Variants in NYAP2 observed in about 807,000 individuals in gnomAD.
The protein encoded by NYAP2 is neuronal tyrosine-phosphorylated phosphoinositide-3-kinase adaptor 2, also known as neuronal tyrosine-phosphorylated phosphoinositide-3-kinase adapter 2.
Under a neutral mutation model 50.4 loss-of-function variants are expected in NYAP2, and 23 were observed. The ratio of observed to expected loss-of-function variants is 0.46; its 90% CI spans 0.33 to 0.65. The LOEUF (loss-of-function observed/expected upper bound fraction) is 0.65. Ranked by LOEUF, NYAP2 falls within the 30% of genes least tolerant of loss-of-function variation. NYAP2 has a pLI of 0.02. For synonymous variants in NYAP2, 394 were observed against 365.2 expected (o/e 1.08, Z -0.90); for missense variants, 885 against 861.0 (o/e 1.03, Z -0.35).
chr2:225,682,835 T>C, the NYAP2 span, among the ~76,000 whole-genome samples: 1 of 152,078 alleles, frequency 6.6e-6, no homozygotes, highest in South Asian at 2.1e-4. Context: ...GAGAGAATTG[T>C]AGGCAATGAG....
In NYAP2 at chr2:225,582,650, C is replaced by T; in HGVS notation, c.1233C>T (p.Ser411=). Residue 411 remains serine (S), a synonymous_variant, in exon 5 of 7, where the codon TCC becomes TCT. Coordinates refer to ENST00000636099, the Ensembl canonical transcript of NYAP2. This position sits in a 1 kb window ranked among gnomAD's most constrained non-coding sequence, Gnocchi z 7.0. ...CTGCCTCTGCCACCCCTGCGCTCTCCTCGTCGCCCCCACCCCCGTCTACGC... is the reference window on the plus strand; with the variant it reads ...CTGCCTCTGCCACCCCTGCGCTCTCTTCGTCGCCCCCACCCCCGTCTACGC... The T allele has an allele frequency of 6.3e-7, 1 of 1,596,670 alleles. No individual in the cohort carries two copies. Among genetic ancestry groups the T allele is most frequent in the South Asian group, 1.1e-5 (1 of 88,144 alleles).
Position 225,651,501 on chromosome 2 carries a change from C to T in NYAP2, c.1898C>T (p.Pro633Leu), listed in dbSNP as rs1471511007. 2.5e-6 allele frequency: 4 copies of T among 1,613,986 alleles called. No homozygotes were observed. The Admixed American group carries it at 5.0e-5, about 20-fold the overall frequency. ...GGTGTGCCTCCTCCATCAGTCACTC[C>T]CCTCAGGCAAAGCAGTGACCTGCAA... The change falls in exon 7 of 7, where the codon CCC (proline) becomes CTC (leucine). Residue 633 changes from proline (P) to leucine (L), a missense_variant. Physicochemically the swap from Pro to Leu is moderately conservative, Grantham distance 98 (BLOSUM62 -3). Transcript: ENST00000636099.
At chr2:225,579,437 G>A (rs1692232570) in intron 4 of NYAP2, among the ~76,000 whole-genome samples, 1 of 152,144 alleles carries the variant, frequency 6.6e-6, no homozygotes, top group Admixed American at 6.5e-5. Context: ...ATTAGCAGTT[G>A]TTCTACTTAA....
chr2:225,654,786 G>A (rs1026117215), downstream of NYAP2, among the ~76,000 whole-genome samples: 9 of 152,170 alleles, frequency 5.9e-5, no homozygotes, highest in African/African-American at 1.7e-4. Context: ...CTGGCCTTAC[G>A]AATGCTATGA....
At chr2:225,477,193 G>C (rs1017267290) in intron 3 of NYAP2, among the ~76,000 whole-genome samples, 8 of 150,514 alleles carry the variant, frequency 5.3e-5, no homozygotes, top group South Asian at 2.1e-4. Flanking sequence ...CTTGTTAAAA[G>C]GCAGATTCTG....
the NYAP2 span, among the ~76,000 whole-genome samples, chr2:225,683,216 C>G: frequency 1.3e-5 from 2 of 152,100 alleles, no homozygotes; most frequent in South Asian, 4.1e-4. Context: ...CTTTACTATT[C>G]TATTTCTGAG....
At chr2:225,665,646 T>C in the NYAP2 span, among the ~76,000 whole-genome samples, 1 of 147,426 alleles carries the variant, frequency 6.8e-6, no homozygotes, top group Admixed American at 6.7e-5. Flanking sequence ...CCGTCTCTAC[T>C]AAAAATACAA....
chr2:225,684,402 CTCTCT>C, the NYAP2 span, among the ~76,000 whole-genome samples: 4 of 148,282 alleles, frequency 2.7e-5, no homozygotes, highest in African/African-American at 1.0e-4. Context: ...TTCTTTCTCT[CTCTCT>C]TTTTTTTTTT....
At chr2:225,466,172 T>G (rs530377966) in intron 3 of NYAP2, among the ~76,000 whole-genome samples, 2 of 152,234 alleles carry the variant, frequency 1.3e-5, no homozygotes, top group Non-Finnish European at 2.9e-5. Context: ...ATTTTCTGAA[T>G]ATACTATTTC....
At chr2:225,488,152 G>A (rs1000012743) in intron 3 of NYAP2, among the ~76,000 whole-genome samples, 2 of 152,122 alleles carry the variant, frequency 1.3e-5, no homozygotes, top group Non-Finnish European at 2.9e-5. Context: ...TTAGAAAAAG[G>A]AATGACAGAA....
chr2:225,445,973 A>C (rs1689546852), intron 3 of NYAP2, among the ~76,000 whole-genome samples: 1 of 152,146 alleles, frequency 6.6e-6, no homozygotes, highest in Non-Finnish European at 1.5e-5. Context: ...ACTAGTGTAA[A>C]ACTCATAGAG....
At chr2:225,684,514 A>G in the NYAP2 span, among the ~76,000 whole-genome samples, 1 of 142,252 alleles carries the variant, frequency 7.0e-6, no homozygotes, top group African/African-American at 2.6e-5. Context: ...TAATCTCCTG[A>G]TTTGTTTTTT....
intron 5 of NYAP2, among the ~76,000 whole-genome samples, chr2:225,588,997 C>G (rs924386938): frequency 3.9e-5 from 6 of 152,086 alleles, no homozygotes; most frequent in Admixed American, 3.9e-4. Context: ...CCTACCTTCT[C>G]CCTTTCTTTC....
At chr2:225,697,794 GAT>G in the NYAP2 span, among the ~76,000 whole-genome samples, 3 of 151,842 alleles carry the variant, frequency 2.0e-5, no homozygotes, top group Admixed American at 1.3e-4. Flanking sequence ...TAAATATCGC[GAT>G]GTTTACTAAT....
rs1051645665 is a variant in NYAP2, at chr2:225,590,807, C to T, written c.1618+7772C>T. Among the ~76,000 whole-genome samples, 38 of 152,316 alleles carry T rather than the reference C, an allele frequency of 2.5e-4. 1 individual carries two copies. The highest frequency in any genetic ancestry group is 8.9e-4 in the African/African-American group (37 of 41,562). ...AGATTCAAAAGAGATAACAATTTCA[C>T]TACCTGTGGATTCTCCCAGAGGCCT... On this transcript the variant is annotated intron_variant, in intron 5 of 6. Transcript: ENST00000636099.
At chr2:225,610,172 C>T (rs544256729) in intron 5 of NYAP2, among the ~76,000 whole-genome samples, 18 of 152,266 alleles carry the variant, frequency 1.2e-4, no homozygotes, top group African/African-American at 3.8e-4. Context: ...GCTTAGGCTA[C>T]TACATCAAAC....
chr2:225,611,907 C>T (rs1482049102), intron 5 of NYAP2, among the ~76,000 whole-genome samples: 10 of 988 alleles, frequency 0.01, 1 homozygote, highest in East Asian at 0.044. Flanking sequence ...TGTATACACA[C>T]ACACACACAC....
chr2:225,644,665 G>T (rs1431612046), intron 6 of NYAP2, among the ~76,000 whole-genome samples: 3 of 146,744 alleles, frequency 2.0e-5, no homozygotes, highest in African/African-American at 5.1e-5. Flanking sequence ...CATATGGCTA[G>T]CCAGTTTTCC....
At chr2:225,686,692 C>G in the NYAP2 span, among the ~76,000 whole-genome samples, 25 of 152,042 alleles carry the variant, frequency 1.6e-4, no homozygotes, top group Non-Finnish European at 2.9e-4. Context: ...TTTCAGTACA[C>G]AAGTATATGG....
Sources: allele counts gnomAD v4.1 joint callset (sites outside exome capture counted in the v4.1 genomes callset), GRCh38; gene constraint gnomAD v4.1.1; non-coding constraint Gnocchi (gnomAD v3.1); transcripts MANE v1.5; gene names NCBI Gene and HGNC (gene_info 2026-07-23, HGNC 2026-07-21).